Variants in SPPL2A observed in about 807,000 individuals in gnomAD.
SPPL2A encodes signal peptide peptidase-like 2A.
Under a neutral mutation model 63.8 loss-of-function variants are expected in SPPL2A, and 51 were observed. That is an observed-to-expected ratio of 0.80 (90% confidence interval 0.64 to 1.01). The LOEUF (loss-of-function observed/expected upper bound fraction) is 1.01, where lower values mean the gene tolerates loss of function less well. Ranked by LOEUF, SPPL2A falls within the 50% of genes least tolerant of loss-of-function variation. The pLI is 0.00. For synonymous variants in SPPL2A, 188 were observed against 205.8 expected (o/e 0.91, Z 0.74); for missense variants, 553 against 622.7 (o/e 0.89, Z 1.19).
intron 1 of SPPL2A, among the ~76,000 whole-genome samples, chr15:50,757,809 C>T (rs963715790): frequency 1.3e-5 from 2 of 152,014 alleles, no homozygotes; most frequent in African/African-American, 4.8e-5. Context: ...CATGGCGAAA[C>T]CCCGTCTCTA....
intron 13 of SPPL2A, 147 bp from the exon 14 acceptor site, chr15:50,720,247 G>T (rs1223017065): frequency 3.3e-6 from 2 of 597,150 alleles, no homozygotes; most frequent in East Asian, 5.8e-5. Flanking sequence ...TTCCTAGATA[G>T]GATTAGGAGA....
At position 50,734,316 on chromosome 15, in the gene SPPL2A, GAAT is replaced by G. The variant is rs1176598834; in HGVS notation, c.933-1635_933-1633del. 2.6e-5 allele frequency among the ~76,000 whole-genome samples: 4 copies of G among 152,170 alleles called. No individual in the cohort carries two copies. The South Asian group carries it at 8.3e-4, about 32-fold the overall frequency. On this transcript the variant is annotated intron_variant, in intron 8 of 14. Coordinates refer to ENST00000261854, the MANE Select transcript of SPPL2A (RefSeq NM_032802.4). The stretch of plus-strand genomic sequence containing the variant: ...TATAATTTTACAAATACACACAATG[GAAT>G]ATTATTCAGCCATAAAAAATAATGA...
intron 14 of SPPL2A, among the ~76,000 whole-genome samples, chr15:50,716,432 T>C (rs552438248): frequency 6.6e-6 from 1 of 152,078 alleles, no homozygotes; most frequent in Non-Finnish European, 1.5e-5. Flanking sequence ...TGACCCCAGG[T>C]GATCTGCCCG....
intron 1 of SPPL2A, among the ~76,000 whole-genome samples, chr15:50,753,411 A>T (rs1195441237): frequency 6.6e-6 from 1 of 152,226 alleles, no homozygotes; most frequent in Non-Finnish European, 1.5e-5. Context: ...TAGATATTGC[A>T]TAGCTTCGAA....
chr15:50,741,310 TA>T (rs1381433550), intron 5 of SPPL2A, among the ~76,000 whole-genome samples: 1 of 151,086 alleles, frequency 6.6e-6, no homozygotes, highest in African/African-American at 2.4e-5. Context: ...AAATTTAGGT[TA>T]AAAAAGTTTA....
In SPPL2A at chr15:50,749,724, A is replaced by G; in HGVS notation, c.89T>C (p.Leu30Ser). ...GGTTGTGCCATTTCCAGACGCATGC[A>G]AGATTGCTTCCTGAGCGGCTGTCTA... is the stretch of plus-strand genomic sequence containing the variant. ...LQLTAAQEAI[L>S]HASGNGTTKD... Residue 30 changes from leucine (L) to serine (S), a missense_variant, in exon 2 of 15, where the codon TTG becomes TCG. Leu to Ser is a moderately radical substitution (Grantham distance 145). Coordinates refer to ENST00000261854, the MANE Select transcript of SPPL2A (RefSeq NM_032802.4). 1.2e-6 allele frequency: 2 copies of G among 1,613,298 alleles called. No individual in the cohort carries two copies. Among genetic ancestry groups the G allele is most frequent in the Non-Finnish European group, 1.7e-6 (2 of 1,179,188 alleles).
Position 50,704,388 on chromosome 15 carries a change from T to A in SPPL2A, c.*3412A>T, listed in dbSNP as rs1596370920. ...ATCTACAAGCTAGAAGAAAATATAATGTATTAGAATATCAAGGTCTTTCCC... is the reference window on the plus strand; with the variant it reads ...ATCTACAAGCTAGAAGAAAATATAAAGTATTAGAATATCAAGGTCTTTCCC... On this transcript the variant is annotated 3_prime_UTR_variant, in exon 15 of 15. Coordinates refer to ENST00000261854, the MANE Select transcript of SPPL2A (RefSeq NM_032802.4). 3.4e-5 allele frequency: 5 copies of A among 148,564 alleles called. No individual in the cohort carries two copies. Among genetic ancestry groups the A allele is most frequent in the Admixed American group, 3.4e-4 (5 of 14,900 alleles). The allele number at this position is 148,564 out of a possible 1,614,324, so 9.2% of individuals were successfully genotyped here. A position where few individuals can be genotyped will look rare whatever the true frequency, so the allele number is the denominator to read the frequency against.
chr15:50,732,383 G>A (rs973673066), intron 9 of SPPL2A, among the ~76,000 whole-genome samples: 3 of 152,030 alleles, frequency 2.0e-5, no homozygotes, highest in African/African-American at 7.2e-5. Context: ...CTGGGCCTGG[G>A]GGTTAAGGAC....
chr15:50,763,584 A>C (rs979190042), intron 1 of SPPL2A, among the ~76,000 whole-genome samples: 3 of 152,186 alleles, frequency 2.0e-5, no homozygotes, highest in Admixed American at 2.0e-4. Context: ...AGGTACAACA[A>C]AGCACATAGG....
At chr15:50,735,700 C>T (rs947818840) in intron 8 of SPPL2A, among the ~76,000 whole-genome samples, 1 of 151,944 alleles carries the variant, frequency 6.6e-6, no homozygotes, top group Non-Finnish European at 1.5e-5. Context: ...CTCAGCCTCC[C>T]GAGTAGCTGG....
intron 13 of SPPL2A, 134 bp from the exon 14 acceptor site, chr15:50,720,234 A>G: frequency 1.6e-6 from 1 of 630,024 alleles, no homozygotes; most frequent in East Asian, 2.9e-5. Flanking sequence ...TAATTTCATC[A>G]TTTTCCTAGA....
chr15:50,727,767 T>C (rs62018800), intron 10 of SPPL2A, among the ~76,000 whole-genome samples: 4,338 of 152,260 alleles, frequency 0.028, 77 homozygotes, highest in Middle Eastern at 0.1. Context: ...ACCAGGAAAA[T>C]CAGCAATCTG....
At chr15:50,717,059 C>T (rs12898588) in intron 14 of SPPL2A, among the ~76,000 whole-genome samples, 14,587 of 152,228 alleles carry the variant, frequency 0.096, 786 homozygotes, top group South Asian at 0.15. Flanking sequence ...TCTTTTCCTC[C>T]ACCCATACTG....
At chr15:50,739,619 A>C in intron 6 of SPPL2A, 61 bp downstream of exon 6, 1 of 1,187,566 alleles carries the variant, frequency 8.4e-7, no homozygotes, top group Non-Finnish European at 1.2e-6. Flanking sequence ...AGATAAATCT[A>C]GTAATAGTCA....
At chr15:50,719,418 G>A (rs1454219135) in intron 14 of SPPL2A, among the ~76,000 whole-genome samples, 3 of 151,976 alleles carry the variant, frequency 2.0e-5, no homozygotes, top group Non-Finnish European at 2.9e-5. Flanking sequence ...CTAATTTTTT[G>A]TATTTTTAGT....
chr15:50,744,585 G>C (rs1034315869), intron 5 of SPPL2A, among the ~76,000 whole-genome samples: 1 of 152,084 alleles, frequency 6.6e-6, no homozygotes, highest in African/African-American at 2.4e-5. Context: ...CCGAGTTAAG[G>C]TTACTACTAA....
In SPPL2A at chr15:50,747,475, CTTAAG is replaced by C. The variant is rs751182554; in HGVS notation, c.584+15_584+19del. ...TTTTTAACCATTTATTACAAAAACG[CTTAAG>C]TTAATTAAACTTACAATTCAACTAG... On this transcript the variant is annotated intron_variant, in intron 5 of 14. Transcript: ENST00000261854. The C allele has an allele frequency of 3.3e-5, 52 of 1,581,586 alleles. No homozygotes were observed. The highest frequency in any genetic ancestry group is 1.8e-4 in the East Asian group (8 of 44,652).
Position 50,765,574 on chromosome 15 carries a change from A to G in SPPL2A, c.-41T>C. 3 of 1,336,214 alleles carry G rather than the reference A, an allele frequency of 2.2e-6. No homozygotes were observed. The highest frequency in any genetic ancestry group is 2.9e-6 in the Non-Finnish European group (3 of 1,035,464). 82.8% of individuals were successfully genotyped at this position (1,336,214 alleles called of 1,614,324 possible). On this transcript the variant is annotated 5_prime_UTR_variant, in exon 1 of 15. Transcript: ENST00000261854. ...CGGGTGGGACGGCACGGTGCGGCGCAGCTCACTCGGCGGGGTAGGCTCGGA... is the reference window on the plus strand; with the variant it reads ...CGGGTGGGACGGCACGGTGCGGCGCGGCTCACTCGGCGGGGTAGGCTCGGA...
chr15:50,734,496 G>A (rs1046414858), intron 8 of SPPL2A, among the ~76,000 whole-genome samples: 2 of 152,168 alleles, frequency 1.3e-5, no homozygotes, highest in African/African-American at 4.8e-5. Context: ...CATGGAGATA[G>A]TAGAATGATG....
Sources: gnomAD v4.1 joint callset for allele counts (sites outside exome capture counted in the v4.1 genomes callset) on GRCh38, gnomAD v4.1.1 for gene constraint, MANE v1.5 for transcripts, NCBI Gene and HGNC (gene_info 2026-07-23, HGNC 2026-07-21) for gene names.